Variants in RBSN observed in about 807,000 individuals in gnomAD.
RBSN encodes rabenosyn-5.
In RBSN, 34 loss-of-function variants were observed where a neutral mutation model predicts 60.5. The ratio of observed to expected loss-of-function variants is 0.56; its 90% CI spans 0.43 to 0.75. The LOEUF is 0.75. Ranked by LOEUF, RBSN falls within the 30% of genes least tolerant of loss-of-function variation. The probability of loss-of-function intolerance (pLI) is 0.00; values close to 1 mark genes in which losing one functional copy is unlikely to be tolerated. For missense variants in RBSN, 845 were observed against 986.8 expected (o/e 0.86, Z 1.92); for synonymous variants, 322 against 366.9 (o/e 0.88, Z 1.40).
Position 15,074,808 on chromosome 3 carries a change from C to A in RBSN, c.1329G>T (p.Trp443Cys), listed in dbSNP as rs1559339470. The change falls in exon 14 of 14, where the codon TGG (tryptophan) becomes TGT (cysteine). Residue 443 changes from tryptophan (W) to cysteine (C), a missense_variant. Coordinates refer to ENST00000253699, the MANE Select transcript of RBSN (RefSeq NM_022340.4). This position sits in a 1 kb window ranked among gnomAD's most constrained non-coding sequence, Gnocchi z 6.4. ...GCCCCTGACCTCCTGACAGTGGGAG[C>A]CAGCCCTCAGCCTTTCTCAAGGGGG... ...GPAPLRKAEG[W>C]LPLSGGQGQS... 2.5e-6 allele frequency: 4 copies of A among 1,614,104 alleles called. No individual in the cohort carries two copies. The highest frequency in any genetic ancestry group is 2.5e-6 in the Non-Finnish European group (3 of 1,180,050).
At position 15,074,439 on chromosome 3, in the gene RBSN, G is replaced by A. The variant is rs765647740; in HGVS notation, c.1698C>T (p.Arg566=). ...GATCCAAAGCATAAGCAAGGTGGGT[G>A]CGAGGCTCTCTGCTGGGCTCCAGCT... ...PFQLEPSREP[R]THLAYALDLG... Residue 566 remains arginine, a synonymous_variant, in exon 14 of 14, where the codon CGC becomes CGT. Coordinates refer to ENST00000253699, the MANE Select transcript of RBSN (RefSeq NM_022340.4). This position sits in a 1 kb window ranked among gnomAD's most constrained non-coding sequence, Gnocchi z 6.4. The A allele has an allele frequency of 2.0e-5, 33 of 1,614,206 alleles. No homozygotes were observed. Among genetic ancestry groups the A allele is most frequent in the Non-Finnish European group, 2.8e-5 (33 of 1,180,040 alleles).
intron 10 of RBSN, 32 bp from the exon 11 acceptor site, chr3:15,078,193 T>C (rs1041022294): frequency 1.3e-6 from 2 of 1,593,508 alleles, no homozygotes; most frequent in African/African-American, 1.3e-5. Context: ...GTGACCTAAG[T>C]TTCATGGTGC....
chr3:15,098,368 A>C (rs1364023459), intron 1 of RBSN, 94 bp from the exon 2 acceptor site: 1 of 30,860 alleles, frequency 3.2e-5, no homozygotes, highest in East Asian at 8.4e-4. Context: ...TACACCATAA[A>C]GAAATCTAAC....
intron 2 of RBSN, among the ~76,000 whole-genome samples, chr3:15,097,017 A>G (rs2043678599): frequency 6.6e-6 from 1 of 151,776 alleles, no homozygotes; most frequent in South Asian, 2.1e-4. Context: ...ATGCCACCAC[A>G]CCCAGCTAGT....
intron 5 of RBSN, 90 bp from the exon 6 acceptor site, chr3:15,086,051 A>C: frequency 1.1e-6 from 1 of 929,414 alleles, no homozygotes; most frequent in Non-Finnish European, 1.6e-6. Context: ...AGTGAATTTC[A>C]AAAGCAGGTT....
rs747605722 is a variant in RBSN at position 15,074,407 on chromosome 3, G to A, written c.1730C>T (p.Ser577Phe). The part of the protein sequence containing the change: ...THLAYALDLG[S>F]SPVPSSTAPK... ...AGCTGTGCTGCTTGGAACTGGGGAA[G>A]AGCCTAGATCCAAAGCATAAGCAAG... Residue 577 changes from serine (S) to phenylalanine (F), a missense_variant, in exon 14 of 14, where the codon TCT becomes TTT. Physicochemically the swap from Ser to Phe is radical, Grantham distance 155. Coordinates refer to ENST00000253699, the MANE Select transcript of RBSN (RefSeq NM_022340.4). The surrounding 1 kb of genome is among the most constrained non-coding windows in gnomAD (Gnocchi z 6.4). 1.2e-6 allele frequency: 2 copies of A among 1,614,154 alleles called. No individual in the cohort carries two copies. The highest frequency in any genetic ancestry group is 1.7e-6 in the Non-Finnish European group (2 of 1,180,012).
At chr3:15,089,656 G>T (rs2043454041) in intron 5 of RBSN, among the ~76,000 whole-genome samples, 1 of 151,016 alleles carries the variant, frequency 6.6e-6, no homozygotes, top group Non-Finnish European at 1.5e-5. Context: ...TGTCACCCAG[G>T]CTGGAGTGCA....
chr3:15,090,990 G>A (rs2043497490), intron 4 of RBSN, among the ~76,000 whole-genome samples: 1 of 151,826 alleles, frequency 6.6e-6, no homozygotes, highest in African/African-American at 2.4e-5. Context: ...GAGGCAAATT[G>A]CTTGAGTCCA....
intron 9 of RBSN, 143 bp from the exon 10 acceptor site, chr3:15,080,945 G>A (rs2043190685): frequency 3.0e-6 from 2 of 673,736 alleles, no homozygotes; most frequent in African/African-American, 3.6e-5. Context: ...CTGATTTATA[G>A]GCATACTTTC....
Position 15,098,175 on chromosome 3 carries a change from G to A in RBSN, c.-401C>T, listed in dbSNP as rs1335429278. 1 of 152,098 alleles carries A rather than the reference G, an allele frequency of 6.6e-6. No homozygotes were observed. The highest frequency in any genetic ancestry group is 1.5e-5 in the Non-Finnish European group (1 of 68,036). The allele number at this position is 152,098 out of a possible 1,614,324, so 9.4% of individuals were successfully genotyped here. ...GCACTCATCTCAATTTATAACCGCA[G>A]GTACATACGTGAAGTGACCAAGTAA... is the stretch of plus-strand genomic sequence containing the variant. On this transcript the variant is annotated 5_prime_UTR_variant, in exon 2 of 14. Transcript: ENST00000253699.
chr3:15,070,520 T>C lies in RBSN; in HGVS notation c.*3262A>G, dbSNP rs976179906. 11 of 152,664 alleles carry C rather than the reference T, an allele frequency of 7.2e-5. No individual in the cohort carries two copies. Among genetic ancestry groups the C allele is most frequent in the African/African-American group, 2.7e-4 (11 of 41,458 alleles). The allele number at this position is 152,664 out of a possible 1,614,324, so 9.5% of individuals were successfully genotyped here. On this transcript the variant is annotated 3_prime_UTR_variant, in exon 14 of 14. Transcript: ENST00000253699. ...CATCTGGTGATGAGACGGGGCTGTT[T>C]GCCTTGGAAGACTAAAGAAAGGGTG... is the stretch of plus-strand genomic sequence containing the variant.
intron 4 of RBSN, among the ~76,000 whole-genome samples, chr3:15,095,124 C>G (rs2043619665): frequency 6.6e-6 from 1 of 152,106 alleles, no homozygotes. Flanking sequence ...AAGTGATCCT[C>G]CTACCTCAGT....
In RBSN at chr3:15,084,825, A is replaced by G; in HGVS notation, c.508T>C (p.Phe170Leu). The G allele has an allele frequency of 6.2e-7, 1 of 1,614,200 alleles. No individual in the cohort carries two copies. The highest frequency in any genetic ancestry group is 8.5e-7 in the Non-Finnish European group (1 of 1,180,040). Residue 170 changes from phenylalanine to leucine, a missense_variant, in exon 8 of 14, where the codon TTC (phenylalanine) becomes CTC (leucine). Coordinates refer to ENST00000253699, the MANE Select transcript of RBSN (RefSeq NM_022340.4). This position sits in a 1 kb window ranked among gnomAD's most constrained non-coding sequence, Gnocchi z 4.2. ...VPFCPDCGNK[F>L]SIRNRRHHCR... ...TGGTGGCGGCGGTTCCGGATGCTGA[A>G]CTTATTCCCACAGTCTGGACAGAAA...
intron 5 of RBSN, 130 bp from the exon 6 acceptor site, chr3:15,086,091 C>CAAAAA (rs60131546): frequency 5.3e-5 from 5 of 94,812 alleles, no homozygotes; most frequent in East Asian, 4.3e-4. Context: ...CGTCTCTCTC[C>CAAAAA]AAAAAAAAAA....
chr3:15,074,702 T>A lies in RBSN; in HGVS notation c.1435A>T (p.Met479Leu). The A allele has an allele frequency of 6.2e-7, 1 of 1,614,238 alleles. No homozygotes were observed. The highest frequency in any genetic ancestry group is 8.5e-7 in the Non-Finnish European group (1 of 1,180,042). ...TCCTGCAGAGTGCGCACTTCATCCA[T>A]GCGGCCCGCGGCCTTGGCCTGCCTG... ...FIRQAKAAGRMDEVRTLQENL... is the reference protein window; with the variant it reads ...FIRQAKAAGRLDEVRTLQENL... Residue 479 changes from methionine to leucine, a missense_variant, in exon 14 of 14, where the codon ATG (methionine) becomes TTG (leucine). Met to Leu is a conservative substitution (Grantham distance 15, BLOSUM62 2). Coordinates refer to ENST00000253699, the MANE Select transcript of RBSN (RefSeq NM_022340.4). The surrounding 1 kb of genome is among the most constrained non-coding windows in gnomAD (Gnocchi z 6.4).
chr3:15,083,269 G>C (rs1370355190), intron 8 of RBSN, among the ~76,000 whole-genome samples: 1 of 152,166 alleles, frequency 6.6e-6, no homozygotes, highest in African/African-American at 2.4e-5. Context: ...ACAGGGAGTT[G>C]GTCTCAGGGA....
intron 1 of RBSN, among the ~76,000 whole-genome samples, chr3:15,098,742 C>T (rs2043742453): frequency 6.6e-6 from 1 of 152,182 alleles, no homozygotes; most frequent in African/African-American, 2.4e-5. Context: ...ACTCAGAATA[C>T]AAACGCTTCA....
rs146324155 is a variant in RBSN at position 15,078,230 on chromosome 3, C to T, written c.912-69G>A. On this transcript the variant is annotated intron_variant, in intron 10 of 13. Coordinates refer to ENST00000253699, the MANE Select transcript of RBSN (RefSeq NM_022340.4). Reference sequence around the variant, plus strand: ...GATTGGACAGCATAGTGTAGAAGGACGCTAAAGGTGTAAGGCCTCACAAAG... The same window carrying T: ...GATTGGACAGCATAGTGTAGAAGGATGCTAAAGGTGTAAGGCCTCACAAAG... 4.6e-5 allele frequency: 64 copies of T among 1,387,632 alleles called. No individual in the cohort carries two copies. In the East Asian group the frequency reaches 1.2e-3, roughly 26 times the overall value. 86.0% of individuals were successfully genotyped at this position (1,387,632 alleles called of 1,614,324 possible).
chr3:15,094,534 G>A (rs2043601448), intron 4 of RBSN, among the ~76,000 whole-genome samples: 1 of 152,154 alleles, frequency 6.6e-6, no homozygotes, highest in Admixed American at 6.5e-5. Context: ...TCACCTTCTT[G>A]CAGAGTTGTT....
Sources: allele counts gnomAD v4.1 joint callset (sites outside exome capture counted in the v4.1 genomes callset), GRCh38; gene constraint gnomAD v4.1.1; non-coding constraint Gnocchi (gnomAD v3.1); transcripts MANE v1.5; gene names NCBI Gene and HGNC (gene_info 2026-07-23, HGNC 2026-07-21).